The following CACNA2D3 variants were observed in gnomAD, a reference collection of about 807,000 sequenced individuals.
CACNA2D3 encodes the protein voltage-dependent calcium channel subunit alpha-2/delta-3.
CACNA2D3 carries 60 observed loss-of-function variants against 160.6 expected under a neutral mutation model. The observed-to-expected ratio is 0.37, with a 90% CI of 0.30 to 0.46. CACNA2D3 has a LOEUF of 0.46. Ranked by LOEUF, CACNA2D3 falls within the 20% of genes least tolerant of loss-of-function variation. The probability of loss-of-function intolerance (pLI) is 1.00; values close to 1 mark genes in which losing one functional copy is unlikely to be tolerated. For synonymous variants in CACNA2D3, 558 were observed against 492.9 expected (o/e 1.13, Z -1.75); for missense variants, 1,205 against 1,365.0 (o/e 0.88, Z 1.85).
At chr3:54,627,027 T>G (rs939968780) in intron 9 of CACNA2D3, among the ~76,000 whole-genome samples, 18 of 152,242 alleles carry the variant, frequency 1.2e-4, no homozygotes, top group African/African-American at 4.3e-4. Flanking sequence ...TCCCTGGAGC[T>G]CTTCTGGATT....
At position 54,138,397 on chromosome 3, in the gene CACNA2D3, A is replaced by T. The variant is rs545880589; in HGVS notation, c.204+14803A>T. 4.6e-5 allele frequency among the ~76,000 whole-genome samples: 7 copies of T among 152,308 alleles called. No homozygotes were observed. In the South Asian group the frequency reaches 1.5e-3, roughly 32 times the overall value. On this transcript the variant is annotated intron_variant, in intron 2 of 37. Transcript: ENST00000474759. ...AGGGCAGTCTGTGAAGCTTGGGGTGAGCGGTGGTCCTCGGAGCATCTGGTA... is the reference window on the plus strand; with the variant it reads ...AGGGCAGTCTGTGAAGCTTGGGGTGTGCGGTGGTCCTCGGAGCATCTGGTA...
chr3:54,219,569 G>C (rs1347927080), intron 2 of CACNA2D3, among the ~76,000 whole-genome samples: 1 of 152,116 alleles, frequency 6.6e-6, no homozygotes, highest in Admixed American at 6.5e-5. Context: ...TTCCTTCGGG[G>C]GGATTTTTGC....
chr3:54,839,610 T>C (rs543829970), intron 16 of CACNA2D3, among the ~76,000 whole-genome samples: 9 of 152,306 alleles, frequency 5.9e-5, no homozygotes, highest in African/African-American at 2.2e-4. Flanking sequence ...GGGTTCTCTT[T>C]GTCTCCATCT....
At chr3:54,216,063 C>T (rs1167739606) in intron 2 of CACNA2D3, among the ~76,000 whole-genome samples, 1 of 152,074 alleles carries the variant, frequency 6.6e-6, no homozygotes, top group African/African-American at 2.4e-5. Flanking sequence ...TCTTGAGCGG[C>T]TGAGCCCTTT....
At chr3:54,765,385 A>G (rs982807175) in intron 13 of CACNA2D3, among the ~76,000 whole-genome samples, 3 of 152,222 alleles carry the variant, frequency 2.0e-5, no homozygotes, top group South Asian at 2.1e-4. Context: ...CCCCAGGAAA[A>G]GTCATCTTGA....
At chr3:54,145,885 C>T (rs539187311) in intron 2 of CACNA2D3, among the ~76,000 whole-genome samples, 251 of 152,194 alleles carry the variant, frequency 1.6e-3, no homozygotes, top group Middle Eastern at 0.01. Context: ...CTCTTAATAT[C>T]GCTTTCATAT....
At chr3:54,663,952 G>T (rs747578011) in intron 11 of CACNA2D3, among the ~76,000 whole-genome samples, 1 of 152,198 alleles carries the variant, frequency 6.6e-6, no homozygotes, top group South Asian at 2.1e-4. Flanking sequence ...TTCTGCGCTC[G>T]CCTTCATGTG....
intron 13 of CACNA2D3, among the ~76,000 whole-genome samples, chr3:54,798,166 ATTCTTC>A (rs1702906744): frequency 6.6e-6 from 1 of 152,186 alleles, no homozygotes; most frequent in Admixed American, 6.5e-5. Context: ...AAACTTTGTA[ATTCTTC>A]ATTATGGCTA....
chr3:54,659,112 A>C (rs1454391181), intron 11 of CACNA2D3, among the ~76,000 whole-genome samples: 1 of 152,116 alleles, frequency 6.6e-6, no homozygotes, highest in Admixed American at 6.5e-5. Context: ...ATCTCCAGCT[A>C]TCTTAGTCAG....
chr3:54,132,757 T>C (rs898551038), intron 2 of CACNA2D3, among the ~76,000 whole-genome samples: 7 of 152,294 alleles, frequency 4.6e-5, no homozygotes, highest in African/African-American at 1.7e-4. Flanking sequence ...CAGAACTGTG[T>C]AGAGTTGAGA....
At chr3:54,720,396 G>C (rs182283878) in intron 11 of CACNA2D3, among the ~76,000 whole-genome samples, 16 of 152,014 alleles carry the variant, frequency 1.1e-4, no homozygotes, top group Admixed American at 9.2e-4. Flanking sequence ...GAAACAATTT[G>C]AATACCAAAT....
At chr3:54,277,394 C>T (rs975927603) in intron 2 of CACNA2D3, among the ~76,000 whole-genome samples, 7 of 152,160 alleles carry the variant, frequency 4.6e-5, no homozygotes, top group Admixed American at 6.5e-5. Flanking sequence ...AATCCTTTCC[C>T]GATTGCTTGT....
At chr3:54,321,923 A>C (rs1704008270) in intron 3 of CACNA2D3, among the ~76,000 whole-genome samples, 1 of 39,706 alleles carries the variant, frequency 2.5e-5, no homozygotes, top group Non-Finnish European at 6.3e-5. Context: ...AAATCCTTGC[A>C]AAAAAAAAAA....
chr3:54,813,337 G>T (rs183514622), intron 13 of CACNA2D3, among the ~76,000 whole-genome samples: 1 of 152,120 alleles, frequency 6.6e-6, no homozygotes, highest in Non-Finnish European at 1.5e-5. Flanking sequence ...CATCTCCCCG[G>T]TGTGTTGAGG....
chr3:54,626,627 C>T (rs1451698020), intron 9 of CACNA2D3: 2 of 1,231,718 alleles, frequency 1.6e-6, no homozygotes, highest in Non-Finnish European at 1.2e-6. Flanking sequence ...AGCCACTCCT[C>T]CCGCTTCATC....
chr3:54,847,496 T>C (rs919164998), intron 17 of CACNA2D3, among the ~76,000 whole-genome samples: 1 of 152,226 alleles, frequency 6.6e-6, no homozygotes, highest in Non-Finnish European at 1.5e-5. Context: ...TGGGGACCAG[T>C]TCACTTCTCA....
chr3:54,251,884 A>C (rs1030748963), intron 2 of CACNA2D3, among the ~76,000 whole-genome samples: 5 of 152,208 alleles, frequency 3.3e-5, no homozygotes, highest in Non-Finnish European at 5.9e-5. Flanking sequence ...CAATAGTGTG[A>C]AACTTGAAGA....
At chr3:54,703,925 A>T (rs1700812444) in intron 11 of CACNA2D3, among the ~76,000 whole-genome samples, 1 of 152,194 alleles carries the variant, frequency 6.6e-6, no homozygotes, top group Non-Finnish European at 1.5e-5. Flanking sequence ...TGTAGTTCAG[A>T]CCCCTACCTC....
At chr3:54,481,496 C>T (rs1020004889) in intron 4 of CACNA2D3, among the ~76,000 whole-genome samples, 1 of 152,174 alleles carries the variant, frequency 6.6e-6, no homozygotes, top group African/African-American at 2.4e-5. Flanking sequence ...TGGCAAAGAT[C>T]AAAGACTTCA....
Sources: gnomAD v4.1 joint callset for allele counts (sites outside exome capture counted in the v4.1 genomes callset) on GRCh38, gnomAD v4.1.1 for gene constraint, MANE v1.5 for transcripts, NCBI Gene and HGNC (gene_info 2026-07-23, HGNC 2026-07-21) for gene names.